Variants in LIMCH1 observed in about 807,000 individuals in gnomAD.
LIMCH1 encodes the protein LIM and calponin homology domains-containing protein 1.
Under a neutral mutation model 176.5 loss-of-function variants are expected in LIMCH1, and 113 were observed. The observed-to-expected ratio is 0.64, with a 90% CI of 0.55 to 0.75. The LOEUF is 0.75. LIMCH1 is among the 30% of genes least tolerant of loss of function. LIMCH1 has a pLI of 0.00. For synonymous variants in LIMCH1, 619 were observed against 645.9 expected, an observed-to-expected ratio of 0.96 and a Z score of 0.63; for missense variants, 1,674 against 1,814.9, an observed-to-expected ratio of 0.92 and a Z score of 1.41.
intron 1 of LIMCH1, among the ~76,000 whole-genome samples, chr4:41,593,340 C>A (rs980079976): frequency 6.6e-6 from 1 of 152,198 alleles, no homozygotes; most frequent in Non-Finnish European, 1.5e-5. Flanking sequence ...CTTTGAGGAA[C>A]TTTATGTTAT....
At chr4:41,659,452 G>A (rs949858246) in intron 18 of LIMCH1, among the ~76,000 whole-genome samples, 12 of 151,954 alleles carry the variant, frequency 7.9e-5, no homozygotes, top group African/African-American at 2.7e-4. Context: ...TTAGAAACTT[G>A]AAAGTTTTGT....
At chr4:41,632,459 G>C (rs977671485) in intron 10 of LIMCH1, among the ~76,000 whole-genome samples, 2 of 152,012 alleles carry the variant, frequency 1.3e-5, no homozygotes, top group Non-Finnish European at 2.9e-5. Context: ...TGGGGAGGAG[G>C]GGGTAGGAAA....
intron 4 of LIMCH1, chr4:41,613,230 G>T: frequency 1.1e-6 from 1 of 905,458 alleles, no homozygotes; most frequent in Non-Finnish European, 1.7e-6. Context: ...AGTTATTTGG[G>T]GATTTTTTTA....
At position 41,680,091 on chromosome 4, in the gene LIMCH1, A is replaced by G. The variant is rs534574796; in HGVS notation, c.3605A>G (p.Tyr1202Cys). 2 of 1,599,772 alleles carry G rather than the reference A, an allele frequency of 1.3e-6. No homozygotes were observed. Among genetic ancestry groups the G allele is most frequent in the African/African-American group, 1.3e-5 (1 of 74,910 alleles). The change falls in exon 24 of 32, where the codon TAT becomes TGT. Residue 1202 changes from tyrosine (Y) to cysteine (C), a missense_variant. By Grantham distance (194) the Tyr-to-Cys change is radical (BLOSUM62 -2). This residue lies in a region of LIMCH1 where 1,015 missense variants were observed against 1,102.5 expected (regional missense o/e 0.92). Transcript: ENST00000503057. ...GTGGAAGAGGAAGAACGCAGATACT[A>G]TGAGGAGGTAGGAAATTCCCAAGAA... ...KEVEEEERRY[Y>C]EEERKIIEDT...
intron 1 of LIMCH1, among the ~76,000 whole-genome samples, chr4:41,405,709 C>G (rs929186359): frequency 6.6e-6 from 1 of 152,052 alleles, no homozygotes; most frequent in African/African-American, 2.4e-5. Flanking sequence ...ATCACAGTTA[C>G]CCTGATTTGA....
At chr4:41,478,539 G>T (rs544897444) in intron 1 of LIMCH1, among the ~76,000 whole-genome samples, 1 of 152,284 alleles carries the variant, frequency 6.6e-6, no homozygotes. Context: ...CCAAGAATTG[G>T]TGACATACAA....
chr4:41,396,519 G>GT (rs1024739761), intron 1 of LIMCH1, among the ~76,000 whole-genome samples: 17 of 151,180 alleles, frequency 1.1e-4, no homozygotes, highest in East Asian at 5.8e-4. Context: ...TATTGTGCGG[G>GT]TTTTTTTTTG....
intron 14 of LIMCH1, among the ~76,000 whole-genome samples, chr4:41,642,101 C>T (rs2093846427): frequency 6.6e-6 from 1 of 152,058 alleles, no homozygotes; most frequent in Non-Finnish European, 1.5e-5. Context: ...TATGGCCACC[C>T]ATAGTGGCCT....
intron 1 of LIMCH1, among the ~76,000 whole-genome samples, chr4:41,403,328 C>T (rs928342726): frequency 1.5e-4 from 23 of 152,086 alleles, no homozygotes; most frequent in African/African-American, 5.1e-4. Context: ...CAACTGTAAT[C>T]CCAGCAGTTT....
chr4:41,515,313 T>C (rs1459541978), intron 2 of LIMCH1, among the ~76,000 whole-genome samples: 1 of 152,242 alleles, frequency 6.6e-6, no homozygotes, highest in Middle Eastern at 3.2e-3. Flanking sequence ...GCTTTTCTAT[T>C]GCCTTCCGCC....
intron 13 of LIMCH1, among the ~76,000 whole-genome samples, chr4:41,637,512 C>A (rs952258079): frequency 6.6e-6 from 1 of 152,146 alleles, no homozygotes; most frequent in Non-Finnish European, 1.5e-5. Context: ...GTGAAAGAAC[C>A]CACTTGTCAT....
Position 41,360,969 on chromosome 4 carries a change from C to T in LIMCH1, c.96+33C>T, listed in dbSNP as rs750852624. The T allele has an allele frequency of 1.3e-6, 2 of 1,502,082 alleles. No homozygotes were observed. Among genetic ancestry groups the T allele is most frequent in the South Asian group, 2.5e-5 (2 of 81,624 alleles). 93.0% of individuals were successfully genotyped at this position (1,502,082 alleles called of 1,614,324 possible). A position where few individuals can be genotyped will look rare whatever the true frequency, so the allele number is the denominator to read the frequency against. On this transcript the variant is annotated intron_variant, in intron 1 of 26. Transcript: ENST00000313860. This position sits in a 1 kb window ranked among gnomAD's most constrained non-coding sequence, Gnocchi z 4.5. ...CGGGTGGCTGGCGGGCGGCCTTGCA[C>T]TGGCGCCCTGAGCCACGGACCCGCG... is the stretch of plus-strand genomic sequence containing the variant.
chr4:41,395,263 G>T, intron 1 of LIMCH1, among the ~76,000 whole-genome samples: 1 of 128,616 alleles, frequency 7.8e-6, no homozygotes, highest in African/African-American at 3.1e-5. Context: ...ATGGAGTTTC[G>T]CTCTTGTCAC....
In LIMCH1 at chr4:41,650,505, A is replaced by G. The variant is rs201825715; in HGVS notation, c.2933A>G (p.Glu978Gly). 6.2e-7 allele frequency: 1 copy of G among 1,614,126 alleles called. No homozygotes were observed. The highest frequency in any genetic ancestry group is 8.5e-7 in the Non-Finnish European group (1 of 1,180,018). Residue 978 changes from glutamate to glycine, a missense_variant, in exon 18 of 32, where the codon GAA becomes GGA. Glu to Gly is a moderately conservative substitution (Grantham distance 98). This residue lies in a region of LIMCH1 where 1,015 missense variants were observed against 1,102.5 expected (regional missense o/e 0.92). Transcript: ENST00000503057. Reference protein sequence around the residue: ...AHSLTKSQMFEGVARVHGSPL... With the variant: ...AHSLTKSQMFGGVARVHGSPL... ...TCCTTAACCAAATCCCAGATGTTTG[A>G]AGGTGTGGCCAGAGTGCACGGGTCT...
At chr4:41,670,604 A>G (rs1055193329) in intron 21 of LIMCH1, 3 of 642,148 alleles carry the variant, frequency 4.7e-6, no homozygotes, top group Admixed American at 3.3e-5. Flanking sequence ...CTGACTCTCA[A>G]TTCTGGTATT....
chr4:41,454,568 C>T (rs1368917987), intron 1 of LIMCH1, among the ~76,000 whole-genome samples: 1 of 151,844 alleles, frequency 6.6e-6, no homozygotes, highest in Non-Finnish European at 1.5e-5. Flanking sequence ...GATGCCGCAC[C>T]CCTCCTGGTG....
At chr4:41,535,301 A>G (rs546973704), upstream of LIMCH1, among the ~76,000 whole-genome samples, 1 of 152,122 alleles carries the variant, frequency 6.6e-6, no homozygotes, top group South Asian at 2.1e-4. Flanking sequence ...GTACTAGATG[A>G]GTATATTAAT....
intron 30 of LIMCH1, among the ~76,000 whole-genome samples, chr4:41,690,070 A>C (rs960583229): frequency 6.6e-6 from 1 of 152,192 alleles, no homozygotes; most frequent in Admixed American, 6.6e-5. Flanking sequence ...GCTAGTTAGA[A>C]AATTGTAGGT....
chr4:41,613,789 C>A lies in LIMCH1; in HGVS notation c.205+128C>A, dbSNP rs2091752100. 4 of 757,000 alleles carry A rather than the reference C, an allele frequency of 5.3e-6. No homozygotes were observed. In the Admixed American group the frequency reaches 8.3e-5, roughly 16 times the overall value. The allele number at this position is 757,000 out of a possible 1,614,324, so 46.9% of individuals were successfully genotyped here. The stretch of plus-strand genomic sequence containing the variant: ...TCCACCTTGCCGGAACTTAGTAATT[C>A]TATAAACTGGCAGAAAAAAGAAGTC... On this transcript the variant is annotated intron_variant, in intron 5 of 31. Coordinates refer to ENST00000503057, the MANE Select transcript of LIMCH1 (RefSeq NM_001330672.2).
Sources: gnomAD v4.1 joint callset for allele counts (sites outside exome capture counted in the v4.1 genomes callset) on GRCh38, gnomAD v4.1.1 for gene constraint, gnomAD v4.1.1 regional missense constraint, Gnocchi (gnomAD v3.1) non-coding constraint, MANE v1.5 for transcripts, NCBI Gene and HGNC (gene_info 2026-07-23, HGNC 2026-07-21) for gene names.